Variants in ADGRL3 observed in about 807,000 individuals in gnomAD.
The protein encoded by ADGRL3 is adhesion G protein-coupled receptor L3, also known as calcium-independent alpha-latrotoxin receptor 3.
ADGRL3 carries 62 observed loss-of-function variants against 153.5 expected under a neutral mutation model. That is an observed-to-expected ratio of 0.40 (90% CI 0.33 to 0.50). ADGRL3 has a LOEUF of 0.50. Among genes scored for constraint, ADGRL3 ranks in the 20% least tolerant of loss-of-function variants. The pLI is 0.47. For missense variants in ADGRL3, 1,641 were observed against 1,859.4 expected (o/e 0.88, Z 2.16); for synonymous variants, 710 against 672.5 (o/e 1.06, Z -0.86).
At chr4:62,054,312 A>T (rs1735844240) in intron 25 of ADGRL3, among the ~76,000 whole-genome samples, 1 of 151,638 alleles carries the variant, frequency 6.6e-6, no homozygotes, top group Non-Finnish European at 1.5e-5. Context: ...ATAAATTACT[A>T]ATAAGAGTCC....
intron 1 of ADGRL3, among the ~76,000 whole-genome samples, chr4:61,238,442 G>GGTGTGTGT (rs3065319): frequency 4.8e-4 from 71 of 147,548 alleles, no homozygotes; most frequent in African/African-American, 1.0e-3. Context: ...TCTAATGTGT[G>GGTGTGTGT]GTGTGTGTGT....
At chr4:61,460,208 G>A (rs1378342401) in intron 2 of ADGRL3, among the ~76,000 whole-genome samples, 1 of 151,844 alleles carries the variant, frequency 6.6e-6, no homozygotes, top group African/African-American at 2.4e-5. Context: ...TTATAGTTTT[G>A]GATCTTACAT....
intron 2 of ADGRL3, among the ~76,000 whole-genome samples, chr4:61,433,670 A>G (rs1265244291): frequency 6.6e-6 from 1 of 152,068 alleles, no homozygotes; most frequent in African/African-American, 2.4e-5. Flanking sequence ...ACATTTCTCT[A>G]TAAGTACTGA....
At chr4:61,390,085 C>A (rs2096784772) in intron 2 of ADGRL3, among the ~76,000 whole-genome samples, 1 of 152,024 alleles carries the variant, frequency 6.6e-6, no homozygotes, top group Non-Finnish European at 1.5e-5. Context: ...TATAGCTTTT[C>A]TCACTAAATC....
chr4:61,868,258 T>G (rs1323077537), intron 9 of ADGRL3, among the ~76,000 whole-genome samples: 1 of 151,944 alleles, frequency 6.6e-6, no homozygotes, highest in Non-Finnish European at 1.5e-5. Context: ...TTCTGTAGAT[T>G]TTTTTTTCCA....
intron 12 of ADGRL3, among the ~76,000 whole-genome samples, chr4:61,910,468 TA>T (rs34674933): frequency 0.94 from 140,127 of 149,766 alleles, 65,815 homozygotes; most frequent in East Asian, 1. Flanking sequence ...CATAAACATA[TA>T]AAATATATTT....
intron 25 of ADGRL3, chr4:62,063,392 A>G: frequency 2.0e-6 from 1 of 499,140 alleles, no homozygotes; most frequent in Non-Finnish European, 3.6e-6. Context: ...CCTGCCTGTA[A>G]TCAGGACTGT....
At chr4:61,779,869 A>G (rs1021796526) in intron 8 of ADGRL3, among the ~76,000 whole-genome samples, 2 of 152,088 alleles carry the variant, frequency 1.3e-5, no homozygotes, top group Non-Finnish European at 2.9e-5. Flanking sequence ...CAAGGAGGCT[A>G]TATAAATCAC....
At chr4:61,463,879 G>C (rs1383503142) in intron 2 of ADGRL3, among the ~76,000 whole-genome samples, 6 of 152,140 alleles carry the variant, frequency 3.9e-5, no homozygotes, top group African/African-American at 1.4e-4. Context: ...AATGGAAGTA[G>C]CTGGTACATA....
chr4:61,370,129 T>C (rs1223878924), intron 1 of ADGRL3, among the ~76,000 whole-genome samples: 2 of 152,218 alleles, frequency 1.3e-5, no homozygotes, highest in Admixed American at 6.5e-5. Context: ...TTTTTTTCTT[T>C]ATTAGTCTTG....
At chr4:61,266,621 A>G (rs1290914782) in intron 1 of ADGRL3, among the ~76,000 whole-genome samples, 1 of 151,844 alleles carries the variant, frequency 6.6e-6, no homozygotes, top group Non-Finnish European at 1.5e-5. Flanking sequence ...AGACTAATAT[A>G]AAAACATAGC....
intron 9 of ADGRL3, among the ~76,000 whole-genome samples, chr4:61,833,797 T>A (rs926494820): frequency 5.9e-5 from 9 of 152,144 alleles, no homozygotes; most frequent in African/African-American, 1.9e-4. Context: ...TGGGAAAGAT[T>A]GTTATTGTCT....
rs200096161 is a variant in ADGRL3 at position 61,823,253 on chromosome 4, T to C, written c.1480+9364T>C. On this transcript the variant is annotated intron_variant, in intron 9 of 26. Transcript: ENST00000683033. ...CAGAAAAGTGGTGGTATAGCTGTGT[T>C]TTTTTGTTCTGAAAAAATATGTTTA... 3.3e-5 allele frequency among the ~76,000 whole-genome samples: 5 copies of C among 152,310 alleles called. No individual in the cohort carries two copies. The East Asian group carries it at 9.6e-4, about 29-fold the overall frequency.
At chr4:61,295,949 T>C (rs2150247869) in intron 1 of ADGRL3, among the ~76,000 whole-genome samples, 1 of 152,174 alleles carries the variant, frequency 6.6e-6, no homozygotes, top group Non-Finnish European at 1.5e-5. Flanking sequence ...TGAAATCCTG[T>C]CTCAAAAAAT....
chr4:61,693,071 T>C (rs1335922657), intron 6 of ADGRL3, among the ~76,000 whole-genome samples: 1 of 152,134 alleles, frequency 6.6e-6, no homozygotes, highest in Non-Finnish European at 1.5e-5. Flanking sequence ...CCAAAATTTA[T>C]GAGTAAAACA....
chr4:61,791,273 G>A lies in ADGRL3; in HGVS notation c.1400-22536G>A, dbSNP rs138367136. 4.2e-4 allele frequency among the ~76,000 whole-genome samples: 64 copies of A among 152,308 alleles called. 1 individual carries two copies. In the East Asian group the frequency reaches 8.9e-3, roughly 21 times the overall value. On this transcript the variant is annotated intron_variant, in intron 8 of 26. Transcript: ENST00000683033. ...CTAGATACAATGGGGTACAGGCACT[G>A]GGTAAATACAGCAATTCCAAATGGG...
intron 1 of ADGRL3, among the ~76,000 whole-genome samples, chr4:61,266,470 C>T (rs962547316): frequency 6.6e-6 from 1 of 151,700 alleles, no homozygotes; most frequent in African/African-American, 2.4e-5. Context: ...TTTAACATCA[C>T]TTCTATTGAA....
chr4:61,514,895 T>C (rs577811346), intron 3 of ADGRL3, among the ~76,000 whole-genome samples: 2 of 152,280 alleles, frequency 1.3e-5, no homozygotes, highest in African/African-American at 2.4e-5. Flanking sequence ...ACAGGCACTA[T>C]TATACTGTTT....
intron 1 of ADGRL3, among the ~76,000 whole-genome samples, chr4:61,371,112 GC>G (rs1193322032): frequency 2.7e-5 from 4 of 148,844 alleles, no homozygotes; most frequent in African/African-American, 9.9e-5. Context: ...TTTATTTTGA[GC>G]CTATGTGTGT....
Sources: allele counts gnomAD v4.1 joint callset (sites outside exome capture counted in the v4.1 genomes callset), GRCh38; gene constraint gnomAD v4.1.1; transcripts MANE v1.5; gene names NCBI Gene and HGNC (gene_info 2026-07-23, HGNC 2026-07-21).